The following AGR3 variants were observed in gnomAD, a reference collection of about 807,000 sequenced individuals.
The protein encoded by AGR3 is anterior gradient protein 3.
Under a neutral mutation model 24.5 loss-of-function variants are expected in AGR3, and 37 were observed. The observed-to-expected ratio is 1.51, with a 90% confidence interval of 1.16 to 1.99. AGR3 has a LOEUF of 1.99. Among genes scored for constraint, AGR3 ranks in the 30% most tolerant of loss-of-function variants. The probability of loss-of-function intolerance (pLI) is 0.00; values close to 1 mark genes in which losing one functional copy is unlikely to be tolerated. For synonymous variants in AGR3, 75 were observed against 61.6 expected (o/e 1.22, Z -1.02); for missense variants, 228 against 191.1 (o/e 1.19, Z -1.14).
At chr7:16,881,571 A>G (rs550063135) in intron 1 of AGR3, among the ~76,000 whole-genome samples, 4 of 152,354 alleles carry the variant, frequency 2.6e-5, no homozygotes, top group African/African-American at 9.6e-5. Flanking sequence ...TTGGTCAATT[A>G]GCATTTTATG....
At chr7:16,861,272 A>G (rs1781636668) in intron 6 of AGR3, 112 bp downstream of exon 6, 4 of 747,170 alleles carry the variant, frequency 5.4e-6, no homozygotes, top group South Asian at 5.1e-5. Context: ...ATTGGATTAG[A>G]AATGACTTCT....
intron 4 of AGR3, among the ~76,000 whole-genome samples, 173 bp downstream of exon 4, chr7:16,862,437 A>T (rs1390765571): frequency 1.3e-5 from 2 of 152,190 alleles, no homozygotes; most frequent in African/African-American, 4.8e-5. Context: ...GTAGATTGGT[A>T]ACAATCATTG....
Position 16,859,453 on chromosome 7 carries a change from C to T in AGR3, c.*129G>A. 3 of 637,718 alleles carry T rather than the reference C, an allele frequency of 4.7e-6. No homozygotes were observed. The South Asian group carries it at 5.4e-5, about 11-fold the overall frequency. 39.5% of individuals were successfully genotyped at this position (637,718 alleles called of 1,614,324 possible). Reference sequence around the variant, plus strand: ...TTTATTTTAATAAGACTATTGCAAACACATTAAAAAAACTAAATAGTAATA... The same window carrying T: ...TTTATTTTAATAAGACTATTGCAAATACATTAAAAAAACTAAATAGTAATA... On this transcript the variant is annotated 3_prime_UTR_variant, in exon 8 of 8. Transcript: ENST00000310398.
intron 2 of AGR3, among the ~76,000 whole-genome samples, chr7:16,876,460 T>G (rs140578844): frequency 9.2e-5 from 14 of 152,250 alleles, no homozygotes; most frequent in African/African-American, 3.4e-4. Context: ...TTCTTCTACC[T>G]TTTTCTAATT....
chr7:16,880,080 T>TC, intron 1 of AGR3, among the ~76,000 whole-genome samples: 1 of 139,248 alleles, frequency 7.2e-6, no homozygotes, highest in Admixed American at 7.1e-5. Context: ...TCCCCTTCCT[T>TC]CTTTCCCCTT....
chr7:16,879,428 G>C (rs1782060626), intron 1 of AGR3, among the ~76,000 whole-genome samples: 1 of 152,174 alleles, frequency 6.6e-6, no homozygotes, highest in Non-Finnish European at 1.5e-5. Context: ...GCCTGATCTG[G>C]TCATAAACCA....
rs756871684 is a variant in AGR3 at position 16,862,068 on chromosome 7, G to A, written c.227-8C>T. On this transcript the variant is annotated splice_polypyrimidine_tract_variant and splice_region_variant and intron_variant, in intron 4 of 7. Coordinates refer to ENST00000310398, the MANE Select transcript of AGR3 (RefSeq NM_176813.5). ...CAAATACTTTCTTTAGTGCTATAGG[G>A]GAAAACAAAATTGCCAGTTAGTTTT... The A allele has an allele frequency of 6.2e-7, 1 of 1,606,448 alleles. No individual in the cohort carries two copies. Among genetic ancestry groups the A allele is most frequent in the Middle Eastern group, 1.7e-4 (1 of 6,034 alleles).
At chr7:16,880,381 A>C in intron 1 of AGR3, among the ~76,000 whole-genome samples, 1 of 151,490 alleles carries the variant, frequency 6.6e-6, no homozygotes, top group South Asian at 2.1e-4. Flanking sequence ...GGCTGATCTC[A>C]AACTCCTGAC....
At chr7:16,855,290 C>G (rs1009456979), downstream of AGR3, among the ~76,000 whole-genome samples, 1 of 152,082 alleles carries the variant, frequency 6.6e-6, no homozygotes, top group Admixed American at 6.6e-5. Flanking sequence ...AGGACTTCAA[C>G]CTATAATTTT....
At chr7:16,857,734 T>G (rs10270836), downstream of AGR3, among the ~76,000 whole-genome samples, 58,570 of 151,970 alleles carry the variant, frequency 0.39, 11,963 homozygotes, top group African/African-American at 0.54. Flanking sequence ...CTGATAATCA[T>G]GTAACCTATT....
At chr7:16,879,953 TG>T (rs1396615474) in intron 1 of AGR3, among the ~76,000 whole-genome samples, 1 of 152,100 alleles carries the variant, frequency 6.6e-6, no homozygotes, top group Non-Finnish European at 1.5e-5. Flanking sequence ...TTCCCAGTGG[TG>T]TATCTATTGC....
At chr7:16,872,860 T>A (rs1781910673) in intron 3 of AGR3, among the ~76,000 whole-genome samples, 1 of 152,080 alleles carries the variant, frequency 6.6e-6, no homozygotes, top group Non-Finnish European at 1.5e-5. Flanking sequence ...ATTCTCAACA[T>A]CTCTAATCAT....
At chr7:16,858,075 CCT>C (rs1781578214), downstream of AGR3, among the ~76,000 whole-genome samples, 1 of 151,706 alleles carries the variant, frequency 6.6e-6, no homozygotes, top group African/African-American at 2.4e-5. Flanking sequence ...GAAACCTCCA[CCT>C]CCCAGGTTCA....
At chr7:16,880,108 T>TTTCCTTCCTTCC (rs3052034) in intron 1 of AGR3, among the ~76,000 whole-genome samples, 1 of 135,756 alleles carries the variant, frequency 7.4e-6, no homozygotes, top group Non-Finnish European at 1.6e-5. Context: ...TCCTTCCTTC[T>TTTCCTTCCTTCC]TTCCTTCCTT....
intron 2 of AGR3, among the ~76,000 whole-genome samples, chr7:16,875,165 T>G (rs1781962042): frequency 6.6e-6 from 1 of 151,744 alleles, no homozygotes; most frequent in Non-Finnish European, 1.5e-5. Flanking sequence ...TTTCAGTATA[T>G]CCACGAAGTT....
chr7:16,879,708 C>G (rs914475178), intron 1 of AGR3, among the ~76,000 whole-genome samples: 2 of 152,124 alleles, frequency 1.3e-5, no homozygotes. Context: ...TTTAGTGATT[C>G]TGTTCAAACA....
chr7:16,862,486 C>T (rs1324573370), intron 4 of AGR3, 124 bp downstream of exon 4: 5 of 494,742 alleles, frequency 1.0e-5, no homozygotes, highest in Non-Finnish European at 1.4e-5. Context: ...GGTACTCTGG[C>T]AGTTGTCTAT....
chr7:16,871,345 C>T (rs149299902), intron 3 of AGR3, among the ~76,000 whole-genome samples: 25 of 152,278 alleles, frequency 1.6e-4, no homozygotes, highest in Non-Finnish European at 2.6e-4. Flanking sequence ...GTCCCTTTGG[C>T]ATACAATAGC....
chr7:16,878,116 ATTT>A (rs34203592), intron 2 of AGR3, among the ~76,000 whole-genome samples: 2 of 146,406 alleles, frequency 1.4e-5, no homozygotes, highest in African/African-American at 2.5e-5. Context: ...AATTATTCCA[ATTT>A]TTTTTTTTTT....
Sources: allele counts gnomAD v4.1 joint callset (sites outside exome capture counted in the v4.1 genomes callset), GRCh38; gene constraint gnomAD v4.1.1; transcripts MANE v1.5; gene names NCBI Gene and HGNC (gene_info 2026-07-23, HGNC 2026-07-21).